KIAA0232: variants seen among roughly 807,000 people sequenced by gnomAD.
KIAA0232 encodes uncharacterized protein KIAA0232.
In KIAA0232, 27 loss-of-function variants were observed where a neutral mutation model predicts 122.0. The ratio of observed to expected loss-of-function variants is 0.22; its 90% confidence interval spans 0.16 to 0.31. The LOEUF (loss-of-function observed/expected upper bound fraction) is 0.31. Among genes scored for constraint, KIAA0232 ranks in the 10% least tolerant of loss-of-function variants. The pLI, the probability that KIAA0232 is intolerant of heterozygous loss-of-function variation, is 1.00. For missense variants in KIAA0232, 1,551 were observed against 1,634.2 expected (o/e 0.95, Z 0.88); for synonymous variants, 613 against 587.6 (o/e 1.04, Z -0.63).
chr4:6,825,376 A>G (rs1005791259), intron 3 of KIAA0232, among the ~76,000 whole-genome samples: 2 of 152,070 alleles, frequency 1.3e-5, no homozygotes, highest in African/African-American at 4.8e-5. Context: ...CATAGAACCC[A>G]GTCTTTACAA....
chr4:6,827,205 G>A (rs939596057), intron 3 of KIAA0232, among the ~76,000 whole-genome samples: 6 of 152,226 alleles, frequency 3.9e-5, no homozygotes, highest in Non-Finnish European at 7.3e-5. Flanking sequence ...CATGACTTGA[G>A]AATCCTTTAT....
chr4:6,861,173 T>C lies in KIAA0232; in HGVS notation c.791T>C (p.Ile264Thr). 2 of 1,614,118 alleles carry C rather than the reference T, an allele frequency of 1.2e-6. No homozygotes were observed. The highest frequency in any genetic ancestry group is 4.5e-5 in the East Asian group (2 of 44,884). Residue 264 changes from isoleucine (I) to threonine (T), a missense_variant, in exon 7 of 10, where the codon ATT becomes ACT. Ile to Thr is a moderately conservative substitution (Grantham distance 89). Transcript: ENST00000307659. ...GAAAACAAATTTAGTAATGGCACAA[T>C]TGAAGAAAAGCCTGCTTTGTACAAA... The part of the protein sequence containing the change: ...EKENKFSNGT[I>T]EEKPALYKKQ...
At chr4:6,851,312 G>C (rs1720271102) in intron 4 of KIAA0232, among the ~76,000 whole-genome samples, 1 of 152,192 alleles carries the variant, frequency 6.6e-6, no homozygotes, top group Non-Finnish European at 1.5e-5. Context: ...AGCTTCTGTA[G>C]CCAAATATCC....
chr4:6,854,361 C>T (rs1003057758), intron 4 of KIAA0232, among the ~76,000 whole-genome samples: 1 of 152,054 alleles, frequency 6.6e-6, no homozygotes. Context: ...GAATTCAGAC[C>T]CAGGCCAGCA....
chr4:6,877,053 A>T (rs1020241306), intron 9 of KIAA0232, among the ~76,000 whole-genome samples: 1 of 150,698 alleles, frequency 6.6e-6, no homozygotes, highest in Non-Finnish European at 1.5e-5. Flanking sequence ...TGCAGAGCTG[A>T]CCCTGTTGCT....
chr4:6,838,392 T>C (rs1360307202), intron 3 of KIAA0232, among the ~76,000 whole-genome samples: 3 of 152,104 alleles, frequency 2.0e-5, no homozygotes, highest in African/African-American at 7.2e-5. Flanking sequence ...TTTCACAATG[T>C]TGGCCAGGCT....
At chr4:6,784,333 G>T (rs1311812444) in intron 1 of KIAA0232, among the ~76,000 whole-genome samples, 5 of 152,078 alleles carry the variant, frequency 3.3e-5, no homozygotes, top group African/African-American at 1.2e-4. Context: ...GGATAAAACT[G>T]TGCGGTAAAA....
Position 6,863,467 on chromosome 4 carries a change from C to G in KIAA0232, c.3085C>G (p.Gln1029Glu), listed in dbSNP as rs376235229. 5.0e-6 allele frequency: 8 copies of G among 1,614,042 alleles called. No homozygotes were observed. The African/African-American group carries it at 5.3e-5, about 11-fold the overall frequency. ...EDLLGACGNF[Q>E]VEDPGLEYSF... ...CTTACTAGGAGCTTGTGGCAACTTT[C>G]AAGTCGAAGATCCTGGACTTGAATA... The change falls in exon 7 of 10, where the codon CAA becomes GAA. Residue 1029 changes from glutamine (Q) to glutamate (E), a missense_variant. Gln to Glu is a conservative substitution (Grantham distance 29). Transcript: ENST00000307659.
chr4:6,788,507 G>A (rs762714128), intron 1 of KIAA0232, among the ~76,000 whole-genome samples: 33 of 152,142 alleles, frequency 2.2e-4, no homozygotes, highest in Non-Finnish European at 4.7e-4. Context: ...CTCCCACACA[G>A]TGCTAGCCTG....
chr4:6,840,721 CTTT>C (rs34081561), intron 3 of KIAA0232, among the ~76,000 whole-genome samples: 1 of 139,504 alleles, frequency 7.2e-6, no homozygotes, highest in Middle Eastern at 3.6e-3. Context: ...TATAAGCAGA[CTTT>C]TTTTTTTTTT....
intron 5 of KIAA0232, 21 bp downstream of exon 5, chr4:6,857,251 C>T (rs773285443): frequency 1.2e-5 from 19 of 1,597,250 alleles, no homozygotes; most frequent in South Asian, 4.5e-5. Flanking sequence ...AAGCACTGTG[C>T]GCACACATGC....
rs575822196 is a variant in KIAA0232, at chr4:6,869,097, C to T, written c.3802-2477C>T. ...GTGGTCCCGCCCCTCAGGAAGCTTA[C>T]AGTCGGGTTCTGCTGGGATCTAAAC... On this transcript the variant is annotated intron_variant, in intron 7 of 9. Coordinates refer to ENST00000307659, the MANE Select transcript of KIAA0232 (RefSeq NM_014743.3). 5.3e-5 allele frequency among the ~76,000 whole-genome samples: 8 copies of T among 152,290 alleles called. No homozygotes were observed. The South Asian group carries it at 1.7e-3, about 32-fold the overall frequency.
In KIAA0232 at chr4:6,880,720, T is replaced by G. The variant is rs1044305738; in HGVS notation, c.4009-67T>G. 8.6e-6 allele frequency: 9 copies of G among 1,051,290 alleles called. No homozygotes were observed. The Admixed American group carries it at 2.6e-4, about 30-fold the overall frequency. 65.1% of individuals were successfully genotyped at this position (1,051,290 alleles called of 1,614,324 possible). ...TTATTATTTCTTCTTTGTATATAGA[T>G]AGAGTATCTCACCCTTTTGGGGAAA... is the stretch of plus-strand genomic sequence containing the variant. On this transcript the variant is annotated intron_variant, in intron 9 of 9. Coordinates refer to ENST00000307659, the MANE Select transcript of KIAA0232 (RefSeq NM_014743.3).
intron 7 of KIAA0232, chr4:6,866,227 T>C (rs1298429513): frequency 2.7e-5 from 27 of 983,946 alleles, no homozygotes; most frequent in Non-Finnish European, 3.3e-5. Context: ...GAAGCAAGAT[T>C]CTACATCATA....
At chr4:6,834,609 G>A (rs895205307) in intron 3 of KIAA0232, among the ~76,000 whole-genome samples, 1 of 152,080 alleles carries the variant, frequency 6.6e-6, no homozygotes, top group African/African-American at 2.4e-5. Context: ...AGCAAACATG[G>A]TCACTATAAT....
chr4:6,858,452 G>C lies in KIAA0232; in HGVS notation c.464G>C (p.Gly155Ala). ...QEEKIHKKLE[G>A]SPSPEAELSP... is the part of the protein sequence containing the mutation. The stretch of plus-strand genomic sequence containing the variant: ...GAGAAGATTCACAAAAAGTTAGAGG[G>C]GTCTCCCTCTCCAGAGGCAGAATTA... The change falls in exon 6 of 10, where the codon GGG becomes GCG. Residue 155 changes from glycine (G) to alanine (A), a missense_variant. By Grantham distance (60) the Gly-to-Ala change is moderately conservative (BLOSUM62 0). This residue lies in a region of KIAA0232 where 377 missense variants were observed against 381.7 expected (regional missense o/e 0.99). Transcript: ENST00000307659. 6.2e-7 allele frequency: 1 copy of C among 1,605,990 alleles called. No homozygotes were observed. The highest frequency in any genetic ancestry group is 2.2e-5 in the East Asian group (1 of 44,542).
intron 6 of KIAA0232, 142 bp from the exon 7 acceptor site, chr4:6,860,759 T>C: frequency 3.9e-6 from 3 of 766,730 alleles, no homozygotes; most frequent in East Asian, 5.3e-5. Flanking sequence ...TTATAAATTA[T>C]TGTAAAGTTA....
At chr4:6,816,107 A>G (rs1718110023) in intron 2 of KIAA0232, among the ~76,000 whole-genome samples, 1 of 152,114 alleles carries the variant, frequency 6.6e-6, no homozygotes, top group Non-Finnish European at 1.5e-5. Context: ...CAGTGAAACG[A>G]ATATTTTAGA....
chr4:6,840,184 C>T (rs1263789814), intron 3 of KIAA0232, among the ~76,000 whole-genome samples: 1 of 152,148 alleles, frequency 6.6e-6, no homozygotes, highest in Non-Finnish European at 1.5e-5. Flanking sequence ...GGTTTTGCAG[C>T]CAGCTCCTTG....
Sources: gnomAD v4.1 joint callset for allele counts (sites outside exome capture counted in the v4.1 genomes callset) on GRCh38, gnomAD v4.1.1 for gene constraint, gnomAD v4.1.1 regional missense constraint, MANE v1.5 for transcripts, NCBI Gene and HGNC (gene_info 2026-07-23, HGNC 2026-07-21) for gene names.